The following NRXN1 variants were observed in gnomAD, a reference collection of about 807,000 sequenced individuals.
NRXN1 encodes neurexin-1.
Under a neutral mutation model 150.9 loss-of-function variants are expected in NRXN1, and 39 were observed. That is an observed-to-expected ratio of 0.26 (90% confidence interval 0.20 to 0.34). The LOEUF (loss-of-function observed/expected upper bound fraction) is 0.34, where lower values mean the gene tolerates loss of function less well. Among genes scored for constraint, NRXN1 ranks in the 10% least tolerant of loss-of-function variants. NRXN1 has a pLI of 1.00. For synonymous variants in NRXN1, 924 were observed against 757.0 expected, an observed-to-expected ratio of 1.22 and a Z score of -3.62; for missense variants, 1,815 against 1,949.9, an observed-to-expected ratio of 0.93 and a Z score of 1.30.
Position 50,829,052 on chromosome 2 carries a change from C to T in NRXN1, c.832+92817G>A, listed in dbSNP as rs540091490. Among the ~76,000 whole-genome samples the T allele has an allele frequency of 2.6e-3, 401 of 152,332 alleles. 1 individual carries two copies. Among genetic ancestry groups the T allele is most frequent in the Non-Finnish European group, 3.8e-3 (261 of 68,024 alleles). ...GACCAGCCCAGCCAACACAGCAAAA[C>T]CCCGTCTCCACCAAAAAAATACGAA... On this transcript the variant is annotated intron_variant, in intron 5 of 22. Transcript: ENST00000401669.
At chr2:50,756,672 T>C (rs1284813415) in intron 5 of NRXN1, among the ~76,000 whole-genome samples, 2 of 151,758 alleles carry the variant, frequency 1.3e-5, no homozygotes, top group Non-Finnish European at 2.9e-5. Flanking sequence ...TATTAAGATA[T>C]TTACATACGG....
chr2:50,666,359 C>T (rs1365263819), intron 5 of NRXN1, among the ~76,000 whole-genome samples: 1 of 151,864 alleles, frequency 6.6e-6, no homozygotes, highest in African/African-American at 2.4e-5. Context: ...AAACAAGTCA[C>T]TACAGTGAAT....
In NRXN1 at chr2:49,972,780, C is replaced by A. The variant is rs192972820; in HGVS notation, c.4129-28989G>T. The A allele has an allele frequency of 3.9e-5, 6 of 152,258 alleles. No homozygotes were observed. In the East Asian group the frequency reaches 9.7e-4, roughly 25 times the overall value. The allele number at this position is 152,258 out of a possible 1,614,324, so 9.4% of individuals were successfully genotyped here. A position where few individuals can be genotyped will look rare whatever the true frequency, so the allele number is the denominator to read the frequency against. ...TGTCACCACAGATATGACATTCTGT[C>A]TCCTAATTAAATGAAGATGCAATCA... On this transcript the variant is annotated intron_variant, in intron 21 of 22. Coordinates refer to ENST00000401669, the MANE Select transcript of NRXN1 (RefSeq NM_001330078.2).
intron 17 of NRXN1, among the ~76,000 whole-genome samples, chr2:50,241,240 A>G (rs1469948275): frequency 6.6e-6 from 1 of 151,414 alleles, no homozygotes. Flanking sequence ...TCACTTGACC[A>G]TTAAATAAAG....
At chr2:50,780,212 ATTTG>A (rs1186603226) in intron 5 of NRXN1, among the ~76,000 whole-genome samples, 6 of 152,000 alleles carry the variant, frequency 3.9e-5, no homozygotes, top group Non-Finnish European at 8.8e-5. Context: ...TTTCTTGTAA[ATTTG>A]TTTAAGTTCC....
intron 18 of NRXN1, among the ~76,000 whole-genome samples, chr2:50,178,062 T>C (rs1181019623): frequency 6.6e-6 from 1 of 152,088 alleles, no homozygotes; most frequent in African/African-American, 2.4e-5. Flanking sequence ...ATACATGTAT[T>C]CTCTTCAATT....
chr2:50,251,956 G>T (rs563133122), intron 17 of NRXN1, among the ~76,000 whole-genome samples: 2 of 152,168 alleles, frequency 1.3e-5, no homozygotes, highest in East Asian at 3.9e-4. Flanking sequence ...TGGATAGATT[G>T]CAAAAGTTTT....
At chr2:50,700,872 T>A (rs2104958787) in intron 5 of NRXN1, among the ~76,000 whole-genome samples, 1 of 152,070 alleles carries the variant, frequency 6.6e-6, no homozygotes, top group Non-Finnish European at 1.5e-5. Context: ...TTCACCGTGT[T>A]AGCCAGGATG....
chr2:50,894,507 A>G (rs902424651), intron 5 of NRXN1, among the ~76,000 whole-genome samples: 2 of 151,950 alleles, frequency 1.3e-5, no homozygotes, highest in African/African-American at 4.8e-5. Flanking sequence ...ATAAACGCAG[A>G]ACACTTAATT....
At chr2:50,804,398 G>A (rs924596574) in intron 5 of NRXN1, among the ~76,000 whole-genome samples, 1 of 152,140 alleles carries the variant, frequency 6.6e-6, no homozygotes, top group Non-Finnish European at 1.5e-5. Context: ...ATAAAACTAT[G>A]AAAAACATAT....
chr2:50,641,236 G>A (rs1038549114), intron 5 of NRXN1, among the ~76,000 whole-genome samples: 1 of 151,998 alleles, frequency 6.6e-6, no homozygotes, highest in African/African-American at 2.4e-5. Flanking sequence ...CTCATAAAAG[G>A]CTTTAATACA....
At chr2:50,592,986 C>A (rs1026607501) in intron 8 of NRXN1, among the ~76,000 whole-genome samples, 2 of 152,162 alleles carry the variant, frequency 1.3e-5, no homozygotes, top group African/African-American at 4.8e-5. Context: ...AGGTGGTGAT[C>A]AATAATTACT....
chr2:50,206,158 G>A (rs1248497052), intron 18 of NRXN1, among the ~76,000 whole-genome samples: 2 of 151,568 alleles, frequency 1.3e-5, no homozygotes, highest in East Asian at 1.9e-4. Context: ...ATTTTCAACT[G>A]CAAAAATTAT....
chr2:50,660,810 A>G (rs1687189625), intron 5 of NRXN1, among the ~76,000 whole-genome samples: 1 of 152,030 alleles, frequency 6.6e-6, no homozygotes, highest in Admixed American at 6.6e-5. Context: ...ATTCATCAAT[A>G]TATCCAACAA....
At chr2:50,396,842 C>T (rs1320791623) in intron 17 of NRXN1, among the ~76,000 whole-genome samples, 1 of 151,954 alleles carries the variant, frequency 6.6e-6, no homozygotes, top group East Asian at 1.9e-4. Flanking sequence ...ATATATCTTC[C>T]AGAGCAGGTT....
At chr2:50,448,787 C>T (rs886124371) in intron 17 of NRXN1, among the ~76,000 whole-genome samples, 2 of 152,138 alleles carry the variant, frequency 1.3e-5, no homozygotes, top group African/African-American at 4.8e-5. Context: ...ATCATAATTA[C>T]AGGATTGGAG....
At chr2:50,684,464 T>C (rs937267894) in intron 5 of NRXN1, among the ~76,000 whole-genome samples, 2 of 152,122 alleles carry the variant, frequency 1.3e-5, no homozygotes. Context: ...ATGGTGTCAC[T>C]ACACTGCAGC....
chr2:50,598,560 ATATGTG>A (rs1210511236), intron 8 of NRXN1, among the ~76,000 whole-genome samples: 40 of 133,662 alleles, frequency 3.0e-4, no homozygotes, highest in African/African-American at 1.1e-3. Flanking sequence ...GTGTATATAT[ATATGTG>A]TGTGTGTGTG....
Position 51,028,093 on chromosome 2 carries a change from G to C in NRXN1, c.181C>G (p.Arg61Gly), listed in dbSNP as rs1444822946. Residue 61 changes from arginine to glycine, a missense_variant, in exon 2 of 23, where the codon CGC (arginine) becomes GGC (glycine). Arg to Gly is a moderately radical substitution (Grantham distance 125). Transcript: ENST00000401669. ...ESEMSFQLKT[R>G]SARGLVLYFD... is the part of the protein sequence containing the mutation. ...TAGAGCACGAGGCCGCGGGCGCTGC[G>C]AGTCTTGAGCTGGAAGCTCATCTCG... 1.3e-6 allele frequency: 2 copies of C among 1,584,072 alleles called. No homozygotes were observed. The highest frequency in any genetic ancestry group is 1.7e-5 in the Admixed American group (1 of 58,340).
Sources: allele counts gnomAD v4.1 joint callset (sites outside exome capture counted in the v4.1 genomes callset), GRCh38; gene constraint gnomAD v4.1.1; transcripts MANE v1.5; gene names NCBI Gene and HGNC (gene_info 2026-07-23, HGNC 2026-07-21).